Variants in CTNNA2 observed in about 807,000 individuals in gnomAD.
The protein encoded by CTNNA2 is catenin alpha-2.
A neutral mutation model predicts 101.0 loss-of-function variants in CTNNA2; 42 were observed. The observed-to-expected ratio is 0.42, with a 90% CI of 0.32 to 0.54. The LOEUF is 0.54. CTNNA2 is among the 20% of genes least tolerant of loss of function. CTNNA2 has a pLI of 0.14. For synonymous variants in CTNNA2, 450 were observed against 456.4 expected, an observed-to-expected ratio of 0.99 and a Z score of 0.18; for missense variants, 871 against 1,223.1, an observed-to-expected ratio of 0.71 and a Z score of 4.29.
chr2:80,429,317 A>G (rs1681276197), intron 9 of CTNNA2, among the ~76,000 whole-genome samples: 1 of 152,084 alleles, frequency 6.6e-6, no homozygotes. Flanking sequence ...AGTAGCCATT[A>G]TTTTTTACTT....
Position 80,208,817 on chromosome 2 carries a change from A to G in CTNNA2, c.1057-184394A>G, listed in dbSNP as rs1258072882. Among the ~76,000 whole-genome samples, 2 of 152,214 alleles carry G rather than the reference A, an allele frequency of 1.3e-5. 1 individual carries two copies. The highest frequency in any genetic ancestry group is 2.9e-5 in the Non-Finnish European group (2 of 68,044). On this transcript the variant is annotated intron_variant, in intron 7 of 18. Transcript: ENST00000402739. ...TAATTAACTGGCCAACAATTTCACC[A>G]ATGAAAAGCCATTTCTAATATTTGT...
chr2:79,280,759 C>G (rs1675355695), intron 2 of CTNNA2, among the ~76,000 whole-genome samples: 1 of 151,656 alleles, frequency 6.6e-6, no homozygotes, highest in South Asian at 2.1e-4. Flanking sequence ...TTGTGCAGCT[C>G]TTTCTGGAGG....
At chr2:79,892,759 G>T (rs1404563267) in intron 6 of CTNNA2, among the ~76,000 whole-genome samples, 1 of 152,132 alleles carries the variant, frequency 6.6e-6, no homozygotes. Flanking sequence ...AATTGAGAAA[G>T]ATATTTGAGG....
At chr2:80,475,436 A>G (rs962558395) in intron 9 of CTNNA2, among the ~76,000 whole-genome samples, 1 of 152,206 alleles carries the variant, frequency 6.6e-6, no homozygotes, top group African/African-American at 2.4e-5. Context: ...TTTATTAAGA[A>G]AAGAGTAATG....
intron 9 of CTNNA2, among the ~76,000 whole-genome samples, chr2:80,531,684 C>A (rs1690557525): frequency 2.0e-5 from 3 of 152,124 alleles, no homozygotes; most frequent in Admixed American, 2.0e-4. Context: ...TTTTCTGGCC[C>A]CAGAACTTTG....
intron 15 of CTNNA2, among the ~76,000 whole-genome samples, chr2:80,595,488 C>T (rs1258902274): frequency 6.6e-6 from 1 of 152,150 alleles, no homozygotes; most frequent in Non-Finnish European, 1.5e-5. Context: ...ATTGCACTGG[C>T]TGGGATTTCC....
At chr2:80,536,856 G>A (rs1373202481) in intron 9 of CTNNA2, among the ~76,000 whole-genome samples, 3 of 150,804 alleles carry the variant, frequency 2.0e-5, no homozygotes, top group Admixed American at 2.0e-4. Flanking sequence ...CAAGATCTGT[G>A]AGCTGTGTGG....
At chr2:79,194,442 A>T (rs955170938) in intron 1 of CTNNA2, among the ~76,000 whole-genome samples, 6 of 152,134 alleles carry the variant, frequency 3.9e-5, no homozygotes, top group Non-Finnish European at 8.8e-5. Flanking sequence ...GTTCCTGAGG[A>T]CCCAGATCCA....
intron 8 of CTNNA2, among the ~76,000 whole-genome samples, chr2:80,401,474 C>T (rs1463928316): frequency 6.6e-6 from 1 of 152,176 alleles, no homozygotes; most frequent in East Asian, 1.9e-4. Flanking sequence ...AGACTTAGCT[C>T]AAGAGCAGCT....
intron 11 of CTNNA2, among the ~76,000 whole-genome samples, chr2:80,549,992 A>G (rs1287520081): frequency 6.6e-6 from 1 of 152,168 alleles, no homozygotes; most frequent in East Asian, 1.9e-4. Flanking sequence ...CCATATATAC[A>G]CCAAGTATGG....
intron 1 of CTNNA2, among the ~76,000 whole-genome samples, chr2:79,193,677 A>G (rs983075528): frequency 9.9e-5 from 15 of 152,212 alleles, no homozygotes; most frequent in African/African-American, 3.6e-4. Flanking sequence ...CTTTGAGGGA[A>G]GCAATTATAC....
intron 2 of CTNNA2, among the ~76,000 whole-genome samples, chr2:79,710,576 G>A (rs1182138366): frequency 6.6e-6 from 1 of 152,160 alleles, no homozygotes; most frequent in Non-Finnish European, 1.5e-5. Context: ...AGAACATTGA[G>A]GTTAAACATT....
At chr2:79,739,128 G>A (rs917777110) in intron 2 of CTNNA2, among the ~76,000 whole-genome samples, 1 of 150,206 alleles carries the variant, frequency 6.7e-6, no homozygotes, top group Non-Finnish European at 1.5e-5. Flanking sequence ...CAAATGGATA[G>A]GAAAGAAGAA....
intron 9 of CTNNA2, among the ~76,000 whole-genome samples, chr2:80,471,103 T>G (rs192169985): frequency 1.3e-5 from 2 of 152,282 alleles, no homozygotes; most frequent in East Asian, 3.9e-4. Context: ...TTATCCTAAT[T>G]GCAGTGGGAA....
chr2:80,016,962 T>A (rs1694193722), intron 7 of CTNNA2, among the ~76,000 whole-genome samples: 1 of 152,226 alleles, frequency 6.6e-6, no homozygotes, highest in South Asian at 2.1e-4. Flanking sequence ...TCAAAGCCTC[T>A]CATTTAATTT....
rs116352069 is a variant in CTNNA2 at position 80,171,797 on chromosome 2, G to A, written c.1057-221414G>A. On this transcript the variant is annotated intron_variant, in intron 7 of 18. Transcript: ENST00000402739. Reference sequence around the variant, plus strand: ...CCACACCTAGTGGCAGGGGAGCTGGGAAACAAAATCATCAGCTAGGAGGCC... The same window carrying A: ...CCACACCTAGTGGCAGGGGAGCTGGAAAACAAAATCATCAGCTAGGAGGCC... 4.1e-3 allele frequency among the ~76,000 whole-genome samples: 618 copies of A among 152,222 alleles called. 5 individuals are homozygous for A. Among genetic ancestry groups the A allele is most frequent in the African/African-American group, 0.014 (585 of 41,534 alleles).
At chr2:80,347,116 T>G (rs889872901) in intron 7 of CTNNA2, among the ~76,000 whole-genome samples, 1 of 151,854 alleles carries the variant, frequency 6.6e-6, no homozygotes, top group African/African-American at 2.4e-5. Context: ...CCAAGCTTTG[T>G]GCTATATAGC....
chr2:79,547,506 A>T (rs947739321), intron 1 of CTNNA2: 2 of 152,534 alleles, frequency 1.3e-5, no homozygotes, highest in Admixed American at 6.5e-5. Context: ...GGGTTTTCTG[A>T]TGTGAAGAAA....
intron 15 of CTNNA2, chr2:80,601,909 A>T (rs141014399): frequency 2.0e-5 from 3 of 152,156 alleles, no homozygotes; most frequent in Non-Finnish European, 4.4e-5. Context: ...TGAGCACGTT[A>T]CTTTAGCTGT....
Sources: gnomAD v4.1 joint callset for allele counts (sites outside exome capture counted in the v4.1 genomes callset) on GRCh38, gnomAD v4.1.1 for gene constraint, MANE v1.5 for transcripts, NCBI Gene and HGNC (gene_info 2026-07-23, HGNC 2026-07-21) for gene names.